The following NAV3 variants were observed in gnomAD, a reference collection of about 807,000 sequenced individuals.
NAV3 encodes neuron navigator 3.
NAV3 carries 87 observed loss-of-function variants against 244.7 expected under a neutral mutation model. The observed-to-expected ratio is 0.36, with a 90% CI of 0.30 to 0.42. The LOEUF is 0.42. NAV3 is among the 20% of genes least tolerant of loss of function. NAV3 has a pLI of 1.00. For synonymous variants in NAV3, 1,126 were observed against 1,042.2 expected (o/e 1.08, Z -1.55); for missense variants, 2,663 against 2,893.3 (o/e 0.92, Z 1.83).
intron 9 of NAV3, among the ~76,000 whole-genome samples, chr12:78,045,294 G>A (rs1034515697): frequency 9.9e-5 from 15 of 152,172 alleles, no homozygotes; most frequent in African/African-American, 3.4e-4. Context: ...TGATCGTGGT[G>A]GATAAGCTTT....
intron 1 of NAV3, among the ~76,000 whole-genome samples, chr12:77,837,099 T>C (rs1874779300): frequency 6.6e-6 from 1 of 152,094 alleles, no homozygotes; most frequent in South Asian, 2.1e-4. Flanking sequence ...TTGCAGAATG[T>C]TAGGGCTGAG....
At chr12:77,747,267 A>C (rs565610448) in intron 2 of NAV3, among the ~76,000 whole-genome samples, 3 of 152,256 alleles carry the variant, frequency 2.0e-5, no homozygotes, top group Admixed American at 2.0e-4. Context: ...TCCTTCATCC[A>C]CTTGTTGATG....
intron 18 of NAV3, among the ~76,000 whole-genome samples, chr12:78,131,181 C>T (rs17044894): frequency 0.13 from 19,646 of 152,176 alleles, 1,701 homozygotes; most frequent in Admixed American, 0.27. Context: ...TTCCAGCTTT[C>T]AGCCAGGACA....
rs1955502319 is a variant in NAV3, at chr12:78,118,102, G to A, written c.2845G>A (p.Glu949Lys). The change falls in exon 14 of 40, where the codon GAA becomes AAA. Residue 949 changes from glutamate (E) to lysine (K), a missense_variant. Glu to Lys is a moderately conservative substitution (Grantham distance 56, BLOSUM62 1). Around this residue, in one of 6 missense-constraint regions of NAV3, gnomAD observed 1,521 missense variants for 1,497.0 expected, o/e 1.02. Transcript: ENST00000397909. ...DSPEELKKPE[E>K]DFDSHGDAGG... ...TCCTGAGGAACTGAAAAAACCAGAAGAAGATTTTGACAGCCATGGGGATGC... is the reference window on the plus strand; with the variant it reads ...TCCTGAGGAACTGAAAAAACCAGAAAAAGATTTTGACAGCCATGGGGATGC... 4.3e-6 allele frequency: 7 copies of A among 1,614,114 alleles called. No individual in the cohort carries two copies. The highest frequency in any genetic ancestry group is 5.9e-6 in the Non-Finnish European group (7 of 1,180,020).
chr12:77,719,448 TA>T (rs2137287016), intron 2 of NAV3, among the ~76,000 whole-genome samples: 1 of 152,222 alleles, frequency 6.6e-6, no homozygotes, highest in South Asian at 2.1e-4. Flanking sequence ...TGTGGGTTTT[TA>T]TATTGCTGTT....
intron 2 of NAV3, among the ~76,000 whole-genome samples, chr12:77,578,984 A>C (rs536737161): frequency 6.6e-6 from 1 of 152,214 alleles, no homozygotes; most frequent in African/African-American, 2.4e-5. Context: ...TTTCAGGCAA[A>C]ATTTTTCTAT....
chr12:77,605,736 A>G (rs560974231), intron 2 of NAV3, among the ~76,000 whole-genome samples: 2 of 152,196 alleles, frequency 1.3e-5, no homozygotes, highest in South Asian at 4.1e-4. Context: ...GCTACTTGAG[A>G]GGCTGAGGCA....
chr12:77,894,188 T>C (rs1816793877), intron 1 of NAV3, among the ~76,000 whole-genome samples: 1 of 152,132 alleles, frequency 6.6e-6, no homozygotes. Context: ...CTTTTGCCAA[T>C]TGACTAACAA....
intron 36 of NAV3, 65 bp from the exon 37 acceptor site, chr12:78,199,270 A>G: frequency 6.1e-6 from 7 of 1,154,852 alleles, no homozygotes; most frequent in African/African-American, 1.6e-5. Flanking sequence ...TAATAATGAT[A>G]AAGAATCACT....
chr12:78,057,825 C>G lies in NAV3; in HGVS notation c.2517-1171C>G, dbSNP rs147096605. ...CTAAGCAGTCTGGCTCTGGTCTACACTCAACCATCCTTACACACTGACCTT... is the reference window on the plus strand; with the variant it reads ...CTAAGCAGTCTGGCTCTGGTCTACAGTCAACCATCCTTACACACTGACCTT... On this transcript the variant is annotated intron_variant, in intron 11 of 39. Transcript: ENST00000397909. 6.2e-3 allele frequency among the ~76,000 whole-genome samples: 937 copies of G among 152,282 alleles called. 3 individuals are homozygous for G. Among genetic ancestry groups the G allele is most frequent in the Non-Finnish European group, 0.01 (681 of 68,024 alleles).
chr12:77,579,384 A>C (rs1319249825), intron 2 of NAV3, among the ~76,000 whole-genome samples: 1 of 152,234 alleles, frequency 6.6e-6, no homozygotes, highest in Non-Finnish European at 1.5e-5. Context: ...CAGACTGGGT[A>C]ATCTATAAGA....
At chr12:77,736,694 A>G (rs952450898) in intron 2 of NAV3, among the ~76,000 whole-genome samples, 2 of 152,248 alleles carry the variant, frequency 1.3e-5, no homozygotes, top group Non-Finnish European at 2.9e-5. Context: ...AAGGCCATGA[A>G]TACTGGAAGC....
At chr12:77,935,683 A>T (rs1889253126) in intron 1 of NAV3, among the ~76,000 whole-genome samples, 1 of 152,220 alleles carries the variant, frequency 6.6e-6, no homozygotes, top group Non-Finnish European at 1.5e-5. Flanking sequence ...CTATAAAGAC[A>T]TCCCTGAGAC....
intron 1 of NAV3, among the ~76,000 whole-genome samples, chr12:77,894,603 T>A (rs1884352489): frequency 1.3e-5 from 2 of 152,096 alleles, no homozygotes; most frequent in Admixed American, 6.6e-5. Flanking sequence ...TAGAAAGAAC[T>A]AGCCAGTAGC....
chr12:78,034,238 A>G (rs1188080612), intron 9 of NAV3, among the ~76,000 whole-genome samples: 1 of 152,230 alleles, frequency 6.6e-6, no homozygotes, highest in Non-Finnish European at 1.5e-5. Context: ...CACCACACCC[A>G]CAGTTGTGAT....
chr12:77,899,363 T>C (rs1884993025), intron 1 of NAV3, among the ~76,000 whole-genome samples: 1 of 152,170 alleles, frequency 6.6e-6, no homozygotes, highest in Admixed American at 6.5e-5. Flanking sequence ...TTCACTGTCA[T>C]CTTACTTAAA....
At chr12:77,813,241 C>T (rs977429425) in intron 2 of NAV3, among the ~76,000 whole-genome samples, 2 of 152,072 alleles carry the variant, frequency 1.3e-5, no homozygotes, top group Non-Finnish European at 2.9e-5. Flanking sequence ...TTTCTCAGCT[C>T]AACATTGATT....
intron 2 of NAV3, among the ~76,000 whole-genome samples, chr12:77,710,504 A>G (rs1876055547): frequency 6.6e-6 from 1 of 152,218 alleles, no homozygotes; most frequent in Non-Finnish European, 1.5e-5. Context: ...TATTTTTTAT[A>G]CCAGTTTTTT....
At chr12:77,961,090 T>C (rs538884880) in intron 3 of NAV3, among the ~76,000 whole-genome samples, 1 of 146,120 alleles carries the variant, frequency 6.8e-6, no homozygotes, top group East Asian at 2.1e-4. Flanking sequence ...TATGTATATG[T>C]TACATGTATA....
Sources: gnomAD v4.1 joint callset for allele counts (sites outside exome capture counted in the v4.1 genomes callset) on GRCh38, gnomAD v4.1.1 for gene constraint, gnomAD v4.1.1 regional missense constraint, MANE v1.5 for transcripts, NCBI Gene and HGNC (gene_info 2026-07-23, HGNC 2026-07-21) for gene names.